Variants in GRIK3 observed in about 807,000 individuals in gnomAD.
GRIK3 encodes the protein glutamate receptor ionotropic, kainate 3.
A neutral mutation model predicts 102.5 loss-of-function variants in GRIK3; 29 were observed. The ratio of observed to expected loss-of-function variants is 0.28; its 90% CI spans 0.21 to 0.39. The LOEUF is 0.39. Ranked by LOEUF, GRIK3 falls within the 10% of genes least tolerant of loss-of-function variation. GRIK3 has a pLI of 1.00. For synonymous variants in GRIK3, 511 were observed against 504.9 expected (o/e 1.01, Z -0.16); for missense variants, 908 against 1,252.4 (o/e 0.73, Z 4.15).
intron 1 of GRIK3, among the ~76,000 whole-genome samples, chr1:36,912,487 C>T (rs1424303014): frequency 1.3e-5 from 2 of 151,962 alleles, no homozygotes; most frequent in Admixed American, 6.6e-5. Context: ...TGCTTGGCTC[C>T]CCTGCTTACC....
At chr1:36,854,424 T>G (rs1640625410) in intron 7 of GRIK3, among the ~76,000 whole-genome samples, 1 of 152,128 alleles carries the variant, frequency 6.6e-6, no homozygotes, top group East Asian at 1.9e-4. Context: ...ATGGTAGCTT[T>G]TTTGTCATTT....
chr1:36,801,371 C>G lies in GRIK3; in HGVS notation c.*480G>C, dbSNP rs77782940. On this transcript the variant is annotated 3_prime_UTR_variant, in exon 16 of 16. Transcript: ENST00000373091. ...CTGCCCAGGCATATGGGATGGGTATCCCTCACCATGAGCTCCCATTGGCAG... is the reference window on the plus strand; with the variant it reads ...CTGCCCAGGCATATGGGATGGGTATGCCTCACCATGAGCTCCCATTGGCAG... 6.5e-6 allele frequency: 1 copy of G among 154,830 alleles called. No homozygotes were observed. The highest frequency in any genetic ancestry group is 1.4e-5 in the Non-Finnish European group (1 of 69,526). The allele number at this position is 154,830 out of a possible 1,614,324, so 9.6% of individuals were successfully genotyped here.
chr1:36,921,008 G>A (rs1225633568), intron 1 of GRIK3, among the ~76,000 whole-genome samples: 2 of 152,240 alleles, frequency 1.3e-5, no homozygotes, highest in Non-Finnish European at 2.9e-5. Flanking sequence ...TGGGAAGCCA[G>A]CATGGAAAGC....
At position 36,960,932 on chromosome 1, in the gene GRIK3, A is replaced by G. The variant is rs188891689; in HGVS notation, c.116-69836T>C. On this transcript the variant is annotated intron_variant, in intron 1 of 15. Transcript: ENST00000373091. ...ATCCCTCAGAGAGGAAAGAGTGCTG[A>G]TTTGGGATTCATCAGGGAAGCACAA... Among the ~76,000 whole-genome samples, 351 of 152,246 alleles carry G rather than the reference A, an allele frequency of 2.3e-3. 1 individual carries two copies. Among genetic ancestry groups the G allele is most frequent in the Admixed American group, 4.6e-3 (70 of 15,296 alleles).
chr1:36,931,030 G>A (rs545888274), intron 1 of GRIK3, among the ~76,000 whole-genome samples: 18 of 152,296 alleles, frequency 1.2e-4, no homozygotes, highest in African/African-American at 3.8e-4. Context: ...TTCTAGGTGC[G>A]GGGCCTGCCT....
chr1:37,022,736 C>T (rs522481), intron 1 of GRIK3, among the ~76,000 whole-genome samples: 75,810 of 152,110 alleles, frequency 0.5, 19,390 homozygotes, highest in African/African-American at 0.61. Context: ...GGTGGACTTA[C>T]ATTCAAATGA....
chr1:36,849,539 G>T (rs1640556483), intron 9 of GRIK3: 1 of 152,340 alleles, frequency 6.6e-6, no homozygotes, highest in South Asian at 2.1e-4. Flanking sequence ...CTCTCCCCAA[G>T]ATGGCTCGGC....
chr1:36,848,250 T>C (rs1640541842), intron 9 of GRIK3, among the ~76,000 whole-genome samples: 1 of 152,226 alleles, frequency 6.6e-6, no homozygotes, highest in Non-Finnish European at 1.5e-5. Context: ...CCTTTTGGTA[T>C]ATTACCTTTA....
intron 1 of GRIK3, among the ~76,000 whole-genome samples, chr1:37,021,040 C>T (rs977315910): frequency 6.6e-6 from 1 of 151,576 alleles, no homozygotes; most frequent in Admixed American, 6.6e-5. Flanking sequence ...TTGGAAAAGT[C>T]TAGGCTCTTT....
chr1:36,930,824 G>A (rs767857625), intron 1 of GRIK3, among the ~76,000 whole-genome samples: 4 of 152,196 alleles, frequency 2.6e-5, no homozygotes, highest in Non-Finnish European at 4.4e-5. Context: ...CAATAGGAAC[G>A]AGGAGTTGTC....
chr1:37,012,127 A>G (rs1433865360), intron 1 of GRIK3, among the ~76,000 whole-genome samples: 4 of 152,194 alleles, frequency 2.6e-5, no homozygotes, highest in Admixed American at 1.3e-4. Flanking sequence ...GAAATGGAAA[A>G]AGTGTAAAAG....
At chr1:36,988,238 C>G (rs991090965) in intron 1 of GRIK3, among the ~76,000 whole-genome samples, 2 of 152,162 alleles carry the variant, frequency 1.3e-5, no homozygotes, top group African/African-American at 4.8e-5. Flanking sequence ...TTGCAGTGAG[C>G]CGAGGTCGCA....
At chr1:36,935,497 A>T (rs1215621694) in intron 1 of GRIK3, among the ~76,000 whole-genome samples, 1 of 151,972 alleles carries the variant, frequency 6.6e-6, no homozygotes, top group Admixed American at 6.6e-5. Context: ...GGGTCCTATG[A>T]CCGCTCTGTA....
At chr1:36,854,965 C>A (rs941545717) in intron 7 of GRIK3, among the ~76,000 whole-genome samples, 3 of 152,222 alleles carry the variant, frequency 2.0e-5, no homozygotes, top group African/African-American at 7.2e-5. Context: ...ACCCCTCGGT[C>A]TGGACCTGTT....
rs545644729 is a variant in GRIK3 at position 37,005,333 on chromosome 1, CA to C, written c.115+28660del. Among the ~76,000 whole-genome samples the C allele has an allele frequency of 7.9e-5, 12 of 152,350 alleles. No individual in the cohort carries two copies. The East Asian group carries it at 2.3e-3, about 29-fold the overall frequency. ...CTAGGGCTGACTCTGGCCTCCTGGGCAGCTCCAGTCCCATGTTTCCCATCAC... is the reference window on the plus strand; with the variant it reads ...CTAGGGCTGACTCTGGCCTCCTGGGCGCTCCAGTCCCATGTTTCCCATCAC... On this transcript the variant is annotated intron_variant, in intron 1 of 15. Coordinates refer to ENST00000373091, the MANE Select transcript of GRIK3 (RefSeq NM_000831.4).
intron 7 of GRIK3, among the ~76,000 whole-genome samples, chr1:36,854,589 T>C (rs1640627597): frequency 6.6e-6 from 1 of 152,208 alleles, no homozygotes; most frequent in Admixed American, 6.5e-5. Flanking sequence ...AAATGGTTTA[T>C]TAGCTCACAG....
At chr1:36,825,190 T>C (rs1484277984) in intron 11 of GRIK3, among the ~76,000 whole-genome samples, 1 of 152,200 alleles carries the variant, frequency 6.6e-6, no homozygotes, top group Non-Finnish European at 1.5e-5. Context: ...CCCCCTGCTG[T>C]TGTGGCTTGG....
At chr1:36,999,373 C>T (rs72923871) in intron 1 of GRIK3, among the ~76,000 whole-genome samples, 150 of 152,116 alleles carry the variant, frequency 9.9e-4, no homozygotes, top group Middle Eastern at 3.4e-3. Context: ...AACTGCAAGT[C>T]GGGAGCCGGG....
chr1:36,870,175 T>C (rs997292275), intron 4 of GRIK3, among the ~76,000 whole-genome samples: 4 of 152,212 alleles, frequency 2.6e-5, no homozygotes, highest in African/African-American at 4.8e-5. Context: ...TCAAGTGCCC[T>C]GGACTCCACT....
Sources: gnomAD v4.1 joint callset for allele counts (sites outside exome capture counted in the v4.1 genomes callset) on GRCh38, gnomAD v4.1.1 for gene constraint, MANE v1.5 for transcripts, NCBI Gene and HGNC (gene_info 2026-07-23, HGNC 2026-07-21) for gene names.